The following CDAN1 variants were observed in gnomAD, a reference collection of about 807,000 sequenced individuals.
CDAN1 encodes the protein codanin 1.
In CDAN1, 107 loss-of-function variants were observed where a neutral mutation model predicts 139.8. The observed-to-expected ratio is 0.77, with a 90% CI of 0.65 to 0.90. CDAN1 has a LOEUF of 0.90. CDAN1 is among the 40% of genes least tolerant of loss of function. CDAN1 has a pLI of 0.00. For synonymous variants in CDAN1, 776 were observed against 660.6 expected, an observed-to-expected ratio of 1.17 and a Z score of -2.68; for missense variants, 1,667 against 1,575.7, an observed-to-expected ratio of 1.06 and a Z score of -0.98.
At chr15:42,724,836 TTGAGTACTAC>T in intron 27 of CDAN1, 1 of 633,934 alleles carries the variant, frequency 1.6e-6, no homozygotes, top group Non-Finnish European at 2.8e-6. Context: ...TGACCAGTTT[TTGAGTACTAC>T]TGAGTGCATC....
intron 17 of CDAN1, 85 bp from the exon 18 acceptor site, chr15:42,729,447 C>T (rs1566982759): frequency 2.5e-6 from 4 of 1,602,398 alleles, no homozygotes; most frequent in East Asian, 2.2e-5. Flanking sequence ...AGTCAAGAGG[C>T]TCAGATACCC....
In CDAN1 at chr15:42,735,909, G is replaced by C. The variant is rs1472612048; in HGVS notation, c.739C>G (p.Leu247Val). ...GLGLPPGCRS[L>V]QEEREMLRKE... Reference sequence around the variant, plus strand: ...CTGAGCATCTCTCGCTCCTCTTGCAGACTTCTGCACCCTGGGGGAAGGCCA... The same window carrying C: ...CTGAGCATCTCTCGCTCCTCTTGCACACTTCTGCACCCTGGGGGAAGGCCA... Residue 247 changes from leucine to valine, a missense_variant, in exon 3 of 28, where the codon CTG becomes GTG. Coordinates refer to ENST00000356231, the MANE Select transcript of CDAN1 (RefSeq NM_138477.4). 1 of 1,614,144 alleles carries C rather than the reference G, an allele frequency of 6.2e-7. No homozygotes were observed. The highest frequency in any genetic ancestry group is 1.7e-5 in the Admixed American group (1 of 60,028).
At position 42,736,659 on chromosome 15, in the gene CDAN1, G is replaced by A; in HGVS notation, c.212C>T (p.Thr71Ile). ...SSRVLPQGPPTPAKTPGASAA... is the reference protein window; with the variant it reads ...SSRVLPQGPPIPAKTPGASAA... ...CGAGGCGCCCGGGGTCTTGGCGGGGGTCGGGGGCCCCTGCGGGAGGACGCG... is the reference window on the plus strand; with the variant it reads ...CGAGGCGCCCGGGGTCTTGGCGGGGATCGGGGGCCCCTGCGGGAGGACGCG... Residue 71 changes from threonine (T) to isoleucine (I), a missense_variant, in exon 2 of 28, where the codon ACC (threonine) becomes ATC (isoleucine). Transcript: ENST00000356231. 1.3e-6 allele frequency: 2 copies of A among 1,538,414 alleles called. No homozygotes were observed. Among genetic ancestry groups the A allele is most frequent in the East Asian group, 5.1e-5 (2 of 39,184 alleles).
Position 42,729,637 on chromosome 15 carries a change from T to C in CDAN1, c.2353-15A>G, listed in dbSNP as rs757330824. On this transcript the variant is annotated splice_polypyrimidine_tract_variant and intron_variant, in intron 16 of 27. Transcript: ENST00000356231. ...GGCGCATTGTCCTGGGGAGAAAAGG[T>C]TGGTGTCAGCAGACTGCCCCTCCCC... 2 of 1,613,644 alleles carry C rather than the reference T, an allele frequency of 1.2e-6. No homozygotes were observed. The highest frequency in any genetic ancestry group is 2.2e-5 in the East Asian group (1 of 44,866).
chr15:42,735,975 T>C lies in CDAN1; in HGVS notation c.673A>G (p.Ser225Gly), dbSNP rs777988883. ...FTSPPISCVP[S>G]SQPSALDTSP... The stretch of plus-strand genomic sequence containing the variant: ...GTGTCCAGGGCTGAGGGTTGGGAAC[T>C]GGGGACACAGCTGATTGGGGGTGAG... The change falls in exon 3 of 28, where the codon AGT becomes GGT. Residue 225 changes from serine to glycine, a missense_variant. By Grantham distance (56) the Ser-to-Gly change is moderately conservative. Coordinates refer to ENST00000356231, the MANE Select transcript of CDAN1 (RefSeq NM_138477.4). 11 of 1,614,116 alleles carry C rather than the reference T, an allele frequency of 6.8e-6. No individual in the cohort carries two copies. The highest frequency in any genetic ancestry group is 9.3e-6 in the Non-Finnish European group (11 of 1,180,002).
chr15:42,733,276 A>AC lies in CDAN1; in HGVS notation c.1368-91dup, dbSNP rs1419569460. On this transcript the variant is annotated intron_variant, in intron 8 of 27. Coordinates refer to ENST00000356231, the MANE Select transcript of CDAN1 (RefSeq NM_138477.4). ...AAGAACTATCCGTAGCCCACCCACC[A>AC]CCTTTTTTTTTTTTGGAGATGGAGT... The AC allele has an allele frequency of 9.7e-6, 9 of 931,012 alleles. No individual in the cohort carries two copies. In the East Asian group the frequency reaches 2.4e-4, roughly 24 times the overall value. 57.7% of individuals were successfully genotyped at this position (931,012 alleles called of 1,614,324 possible).
rs1355496939 is a variant in CDAN1, at chr15:42,735,551, C to T, written c.902G>A (p.Arg301His). ...GTAAACAAGGGCTACAAGCTCCAGG[C>T]GCTGGCGGGAAGACACTCTGGCAGG... ...ADPARVSSRQRLELVALVYSS... is the reference protein window; with the variant it reads ...ADPARVSSRQHLELVALVYSS... Residue 301 changes from arginine to histidine, a missense_variant, in exon 4 of 28, where the codon CGC (arginine) becomes CAC (histidine). Coordinates refer to ENST00000356231, the MANE Select transcript of CDAN1 (RefSeq NM_138477.4). 6 of 1,614,192 alleles carry T rather than the reference C, an allele frequency of 3.7e-6. No homozygotes were observed. The highest frequency in any genetic ancestry group is 2.2e-5 in the East Asian group (1 of 44,886).
At chr15:42,729,922 A>ACGGCCCCCCCCCCCCCCCCCCCCCC in intron 15 of CDAN1, 37 bp from the exon 16 acceptor site, 1 of 1,513,208 alleles carries the variant, frequency 6.6e-7, no homozygotes, top group Non-Finnish European at 9.1e-7. Flanking sequence ...AACTTCAGAG[A>ACGGCCCCCCCCCCCCCCCCCCCCCC]CCCCCACCCA....
chr15:42,725,128 A>G lies in CDAN1; in HGVS notation c.3558+16T>C, dbSNP rs1185768153. The stretch of plus-strand genomic sequence containing the variant: ...CACCTGTTCTCTCTCCACCTAAAAG[A>G]CAGGAGACTCCTTACCCCTGGCCAC... On this transcript the variant is annotated intron_variant, in intron 27 of 27. Transcript: ENST00000356231. 2.5e-6 allele frequency: 4 copies of G among 1,587,566 alleles called. No homozygotes were observed.
At position 42,736,002 on chromosome 15, in the gene CDAN1, T is replaced by C; in HGVS notation, c.646A>G (p.Thr216Ala). The change falls in exon 3 of 28, where the codon ACC becomes GCC. Residue 216 changes from threonine (T) to alanine (A), a missense_variant. This residue lies in a region of CDAN1 where 487 missense variants were observed against 422.2 expected (regional missense o/e 1.15). Coordinates refer to ENST00000356231, the MANE Select transcript of CDAN1 (RefSeq NM_138477.4). ...GGGACACAGCTGATTGGGGGTGAGG[T>C]GAAGCAGGTCTTGGGCTTGGAGAGT... ...RSLSKPKTCF[T>A]SPPISCVPSS... The C allele has an allele frequency of 6.2e-7, 1 of 1,613,992 alleles. No individual in the cohort carries two copies. Among genetic ancestry groups the C allele is most frequent in the Non-Finnish European group, 8.5e-7 (1 of 1,179,970 alleles).
chr15:42,733,376 A>C (rs938822249), intron 8 of CDAN1, among the ~76,000 whole-genome samples, 190 bp from the exon 9 acceptor site: 2 of 151,896 alleles, frequency 1.3e-5, no homozygotes, highest in African/African-American at 4.8e-5. Context: ...GCCTGGGTTC[A>C]AGCGATTCTC....
chr15:42,731,448 C>T, intron 11 of CDAN1, 117 bp from the exon 12 acceptor site: 1 of 1,496,490 alleles, frequency 6.7e-7, no homozygotes, highest in Non-Finnish European at 9.3e-7. Context: ...GGCCCAGGAG[C>T]AATGAAATCA....
rs1421763369 is a variant in CDAN1 at position 42,726,472 on chromosome 15, GAATTTGGCTTGGGACAGGGAT to G, written c.3097-76_3097-56del. The G allele has an allele frequency of 6.3e-6, 9 of 1,426,878 alleles. No individual in the cohort carries two copies. The African/African-American group carries it at 7.1e-5, about 11-fold the overall frequency. The allele number at this position is 1,426,878 out of a possible 1,614,324, so 88.4% of individuals were successfully genotyped here. On this transcript the variant is annotated intron_variant, in intron 23 of 27. Transcript: ENST00000356231. ...GCGCTGGGGGCCAGGATGCCACAGA[GAATTTGGCTTGGGACAGGGAT>G]CAGCCAGTGGAGAGAGGCAGAAGAA...
chr15:42,725,109 TTC>T (rs767739983), intron 27 of CDAN1, 33 bp downstream of exon 27: 5 of 1,527,048 alleles, frequency 3.3e-6, no homozygotes, highest in Non-Finnish European at 4.5e-6. Context: ...GTAACACCTG[TTC>T]TCTCTCCACC....
rs1350266752 is a variant in CDAN1 at position 42,736,584 on chromosome 15, GCCCCGCGGCTA to G, written c.276_286del (p.Ser93AlafsTer58). 6 of 1,491,542 alleles carry G rather than the reference GCCCCGCGGCTA, an allele frequency of 4.0e-6. No homozygotes were observed. Among genetic ancestry groups the G allele is most frequent in the Non-Finnish European group, 5.3e-6 (6 of 1,122,176 alleles). 92.4% of individuals were successfully genotyped at this position (1,491,542 alleles called of 1,614,324 possible). On this transcript the variant is annotated frameshift_variant, in exon 2 of 28. Transcript: ENST00000356231. LOFTEE classifies it high-confidence loss of function. The stretch of plus-strand genomic sequence containing the variant: ...GGTCGGAGGGAAAAGCTGGCTGCGC[GCCCCGCGGCTA>G]CCCCGCGGCGGGCCTCCCGGCCTCC...
In CDAN1 at chr15:42,729,793, C is replaced by T; in HGVS notation, c.2352+3G>A. On this transcript the variant is annotated splice_donor_region_variant and intron_variant, in intron 16 of 27. Transcript: ENST00000356231. ...ATGGCTCTGGCGGAACCCCAGCACTCACCAAGCCATGCTCTGGGGCTACTG... is the reference window on the plus strand; with the variant it reads ...ATGGCTCTGGCGGAACCCCAGCACTTACCAAGCCATGCTCTGGGGCTACTG... 1 of 1,612,840 alleles carries T rather than the reference C, an allele frequency of 6.2e-7. No individual in the cohort carries two copies. Among genetic ancestry groups the T allele is most frequent in the East Asian group, 2.2e-5 (1 of 44,872 alleles).
At chr15:42,728,555 G>C (rs2061563296) in intron 20 of CDAN1, 97 bp downstream of exon 20, 1 of 1,514,002 alleles carries the variant, frequency 6.6e-7, no homozygotes, top group African/African-American at 1.4e-5. Flanking sequence ...AAGGAGGCAT[G>C]AAGAGAAGAA....
rs979031279 is a variant in CDAN1 at position 42,732,530 on chromosome 15, A to C, written c.1458-122T>G. 2.6e-5 allele frequency: 22 copies of C among 862,190 alleles called. No individual in the cohort carries two copies. In the African/African-American group the frequency reaches 3.1e-4, roughly 12 times the overall value. The allele number at this position is 862,190 out of a possible 1,614,324, so 53.4% of individuals were successfully genotyped here. On this transcript the variant is annotated intron_variant, in intron 9 of 27. Transcript: ENST00000356231. ...CCAGGGACTTGAGCAGACCTCAGCC[A>C]GAGCCAGCCTGCAAAGGGACACTGA...
In CDAN1 at chr15:42,726,081, T is replaced by C. The variant is rs780702942; in HGVS notation, c.3268+16A>G. 1 of 1,612,100 alleles carries C rather than the reference T, an allele frequency of 6.2e-7. No individual in the cohort carries two copies. The highest frequency in any genetic ancestry group is 1.7e-5 in the Admixed American group (1 of 59,936). On this transcript the variant is annotated intron_variant, in intron 25 of 27. Coordinates refer to ENST00000356231, the MANE Select transcript of CDAN1 (RefSeq NM_138477.4). The stretch of plus-strand genomic sequence containing the variant: ...GGGATCAGGCAAGAGAGGGATTTGA[T>C]GGAAAGCAACCATACCGAGGAGGGA...
Sources: gnomAD v4.1 joint callset for allele counts (sites outside exome capture counted in the v4.1 genomes callset) on GRCh38, gnomAD v4.1.1 for gene constraint, gnomAD v4.1.1 regional missense constraint, MANE v1.5 for transcripts, NCBI Gene and HGNC (gene_info 2026-07-23, HGNC 2026-07-21) for gene names.